SEZ6L: variants seen among roughly 807,000 people sequenced by gnomAD.
SEZ6L encodes seizure 6-like protein.
In SEZ6L, 37 loss-of-function variants were observed where a neutral mutation model predicts 106.2. That is an observed-to-expected ratio of 0.35 (90% confidence interval 0.27 to 0.46). The LOEUF (loss-of-function observed/expected upper bound fraction) is 0.46, where lower values mean the gene tolerates loss of function less well. SEZ6L is among the 20% of genes least tolerant of loss of function. SEZ6L has a pLI of 1.00. For synonymous variants in SEZ6L, 541 were observed against 570.4 expected (o/e 0.95, Z 0.73); for missense variants, 1,172 against 1,332.8 (o/e 0.88, Z 1.88).
At chr22:26,330,592 T>C (rs918940689) in intron 9 of SEZ6L, among the ~76,000 whole-genome samples, 1 of 152,156 alleles carries the variant, frequency 6.6e-6, no homozygotes, top group Non-Finnish European at 1.5e-5. Context: ...CTTGGTGTAC[T>C]GGATGTTTGA....
chr22:26,304,376 G>GAAAGAA (rs1220082197), intron 5 of SEZ6L, among the ~76,000 whole-genome samples: 1 of 65,890 alleles, frequency 1.5e-5, no homozygotes. Flanking sequence ...AAAGAAGAAA[G>GAAAGAA]AAAGAAAGAA....
chr22:26,289,062 T>C (rs73158606), intron 1 of SEZ6L, among the ~76,000 whole-genome samples: 6,402 of 152,320 alleles, frequency 0.042, 138 homozygotes, highest in Middle Eastern at 0.065. Context: ...AAGGCCCTTC[T>C]TTCATATGCA....
At chr22:26,369,267 G>A (rs2083923086) in intron 13 of SEZ6L, among the ~76,000 whole-genome samples, 1 of 151,362 alleles carries the variant, frequency 6.6e-6, no homozygotes, top group South Asian at 2.1e-4. Flanking sequence ...ACTAGCATGA[G>A]GGTTGCAATT....
At chr22:26,234,918 G>A (rs148646946) in intron 1 of SEZ6L, among the ~76,000 whole-genome samples, 1 of 152,206 alleles carries the variant, frequency 6.6e-6, no homozygotes, top group South Asian at 2.1e-4. Flanking sequence ...TGACAGATTA[G>A]TAGGAGTTCA....
intron 1 of SEZ6L, chr22:26,254,199 C>G (rs1286117370): frequency 6.6e-6 from 1 of 152,176 alleles, no homozygotes; most frequent in Non-Finnish European, 1.5e-5. Context: ...GCAATTCTGT[C>G]CAGCTAGAGC....
intron 1 of SEZ6L, among the ~76,000 whole-genome samples, chr22:26,238,468 C>G (rs1448422408): frequency 2.0e-5 from 3 of 152,230 alleles, no homozygotes; most frequent in Non-Finnish European, 2.9e-5. Context: ...TGTTGATTAG[C>G]ACCTGTGTTG....
At chr22:26,353,959 A>T (rs1176566707) in intron 12 of SEZ6L, among the ~76,000 whole-genome samples, 1 of 151,512 alleles carries the variant, frequency 6.6e-6, no homozygotes, top group Non-Finnish European at 1.5e-5. Context: ...CAGTATCTGT[A>T]ACCATGACCT....
intron 11 of SEZ6L, among the ~76,000 whole-genome samples, chr22:26,350,720 G>T (rs1418937656): frequency 6.7e-6 from 1 of 149,130 alleles, no homozygotes; most frequent in Non-Finnish European, 1.5e-5. Flanking sequence ...GCAGTGGTGC[G>T]ATCTCGGCTC....
chr22:26,201,215 G>A (rs1219040616), intron 1 of SEZ6L, among the ~76,000 whole-genome samples: 2 of 152,096 alleles, frequency 1.3e-5, no homozygotes, highest in Non-Finnish European at 1.5e-5. Context: ...AAAAGTTAAC[G>A]TAATTGATTA....
intron 9 of SEZ6L, among the ~76,000 whole-genome samples, chr22:26,314,541 C>T (rs113292353): frequency 1.3e-5 from 2 of 152,168 alleles, no homozygotes; most frequent in African/African-American, 4.8e-5. Context: ...CCTCTGTTTC[C>T]ACAGTCTAAC....
In SEZ6L at chr22:26,169,715, C is replaced by G; in HGVS notation, c.46C>G (p.Leu16Val). 3 of 1,301,818 alleles carry G rather than the reference C, an allele frequency of 2.3e-6. No individual in the cohort carries two copies. Among genetic ancestry groups the G allele is most frequent in the Non-Finnish European group, 2.9e-6 (3 of 1,028,260 alleles). 80.6% of individuals were successfully genotyped at this position (1,301,818 alleles called of 1,614,324 possible). The change falls in exon 1 of 17, where the codon CTG becomes GTG. Residue 16 changes from leucine to valine, a missense_variant. Around this residue, in one of 4 missense-constraint regions of SEZ6L, gnomAD observed 494 missense variants for 445.8 expected, o/e 1.11. Transcript: ENST00000248933. ...CGCCGCGGGACTCCGCGGGATCTCG[C>G]TGTTCCTCGCTCTGCTCCTGGGGAG... ...PPAAGLRGISLFLALLLGSPA... is the reference protein window; with the variant it reads ...PPAAGLRGISVFLALLLGSPA...
intron 9 of SEZ6L, among the ~76,000 whole-genome samples, chr22:26,333,893 G>A (rs1281894461): frequency 6.6e-6 from 1 of 152,196 alleles, no homozygotes; most frequent in African/African-American, 2.4e-5. Context: ...ACAGGGAAGG[G>A]AATGTGAAAA....
chr22:26,299,081 CCTGGGCTA>C lies in SEZ6L; in HGVS notation c.1261_1268del (p.Leu421Ter). 6.2e-7 allele frequency: 1 copy of C among 1,608,306 alleles called. No homozygotes were observed. Among genetic ancestry groups the C allele is most frequent in the Non-Finnish European group, 8.5e-7 (1 of 1,177,538 alleles). ...GTGGGGTGGCCCACTTTCACTGCCA[CCTGGGCTA>C]TGAGCTCCAGGGCGCTAAGATGCTG... On this transcript the variant is annotated frameshift_variant, in exon 5 of 17. Coordinates refer to ENST00000248933, the MANE Select transcript of SEZ6L (RefSeq NM_021115.5). LOFTEE classifies it high-confidence loss of function.
chr22:26,251,101 C>A (rs2079562411), intron 1 of SEZ6L, among the ~76,000 whole-genome samples: 1 of 152,144 alleles, frequency 6.6e-6, no homozygotes, highest in Admixed American at 6.5e-5. Context: ...AAGATCATGT[C>A]ATCTGCAAAC....
At chr22:26,298,392 G>T (rs184354881) in intron 4 of SEZ6L, among the ~76,000 whole-genome samples, 1 of 152,288 alleles carries the variant, frequency 6.6e-6, no homozygotes, top group African/African-American at 2.4e-5. Context: ...TACTGACTGC[G>T]AAGGAGGCTC....
intron 15 of SEZ6L, among the ~76,000 whole-genome samples, 159 bp from the exon 16 acceptor site, chr22:26,377,514 C>T (rs2084268328): frequency 6.6e-6 from 1 of 152,160 alleles, no homozygotes; most frequent in Non-Finnish European, 1.5e-5. Flanking sequence ...GCTTTCACCT[C>T]ACTAGGATTC....
chr22:26,290,454 C>T (rs1197351006), intron 1 of SEZ6L, among the ~76,000 whole-genome samples: 1 of 152,176 alleles, frequency 6.6e-6, no homozygotes, highest in African/African-American at 2.4e-5. Context: ...ATGGCGTGAA[C>T]CCGGGAGGCG....
In SEZ6L at chr22:26,305,885, TC is replaced by T. The variant is rs2081613146; in HGVS notation, c.1349-92del. 8 of 1,286,534 alleles carry T rather than the reference TC, an allele frequency of 6.2e-6. No individual in the cohort carries two copies. The South Asian group carries it at 8.3e-5, about 13-fold the overall frequency. 79.7% of individuals were successfully genotyped at this position (1,286,534 alleles called of 1,614,324 possible). A position where few individuals can be genotyped will look rare whatever the true frequency, so the allele number is the denominator to read the frequency against. ...ATCAGGGGAGAATGAAACACTCACT[TC>T]CTTCTCTCTCTCTCTCTCTTTCTCT... On this transcript the variant is annotated intron_variant, in intron 5 of 16. Coordinates refer to ENST00000248933, the MANE Select transcript of SEZ6L (RefSeq NM_021115.5).
intron 1 of SEZ6L, among the ~76,000 whole-genome samples, chr22:26,262,244 TTATC>T (rs58457773): frequency 0.094 from 13,535 of 144,248 alleles, 740 homozygotes; most frequent in Middle Eastern, 0.17. Context: ...TTGATATATT[TTATC>T]TATCTATCTA....
Sources: gnomAD v4.1 joint callset for allele counts (sites outside exome capture counted in the v4.1 genomes callset) on GRCh38, gnomAD v4.1.1 for gene constraint, gnomAD v4.1.1 regional missense constraint, MANE v1.5 for transcripts, NCBI Gene and HGNC (gene_info 2026-07-23, HGNC 2026-07-21) for gene names.